The following CCDC18 variants were observed in gnomAD, a reference collection of about 807,000 sequenced individuals.
CCDC18 encodes coiled-coil domain containing 18, also known as coiled-coil domain-containing protein 18.
Under a neutral mutation model 196.0 loss-of-function variants are expected in CCDC18, and 157 were observed. The observed-to-expected ratio is 0.80, with a 90% confidence interval of 0.70 to 0.91. CCDC18 has a LOEUF of 0.91. Ranked by LOEUF, CCDC18 falls within the 40% of genes least tolerant of loss-of-function variation. The probability of loss-of-function intolerance (pLI) is 0.00; values close to 1 mark genes in which losing one functional copy is unlikely to be tolerated. For synonymous variants in CCDC18, 482 were observed against 529.2 expected, an observed-to-expected ratio of 0.91 and a Z score of 1.22; for missense variants, 1,465 against 1,611.6, an observed-to-expected ratio of 0.91 and a Z score of 1.56.
chr1:93,190,743 G>A, intron 4 of CCDC18: 3 of 548,798 alleles, frequency 5.5e-6, no homozygotes, highest in South Asian at 4.0e-5. Context: ...ATAACACTTA[G>A]AACTGGGTCA....
At chr1:93,213,074 C>T (rs573437586) in intron 11 of CCDC18, among the ~76,000 whole-genome samples, 4 of 152,100 alleles carry the variant, frequency 2.6e-5, no homozygotes, top group East Asian at 1.9e-4. Flanking sequence ...CTAATGCTGC[C>T]GCTAATCTGA....
intron 26 of CCDC18, among the ~76,000 whole-genome samples, chr1:93,264,402 T>C (rs1431080991): frequency 6.6e-6 from 1 of 152,186 alleles, no homozygotes; most frequent in African/African-American, 2.4e-5. Context: ...TACCCAATCA[T>C]TGTTCACATT....
chr1:93,205,593 A>C lies in CCDC18; in HGVS notation c.879A>C (p.Leu293=), dbSNP rs367563034. ...AAAGGCTACAAGAAAGGTGTGGTCT[A>C]TATAAAAGTGAACTTGAAATTCTGA... ...ENKRLQERCG[L]YKSELEILKE... is the part of the protein sequence containing the mutation. The change falls in exon 8 of 29, where the codon CTA becomes CTC. Residue 293 remains leucine (L), a synonymous_variant. Transcript: ENST00000690025. The C allele has an allele frequency of 1.9e-5, 31 of 1,596,548 alleles. No homozygotes were observed. The highest frequency in any genetic ancestry group is 2.5e-5 in the Non-Finnish European group (29 of 1,171,112).
intron 17 of CCDC18, among the ~76,000 whole-genome samples, chr1:93,227,147 A>G (rs1320350841): frequency 1.3e-5 from 2 of 149,062 alleles, no homozygotes; most frequent in African/African-American, 4.9e-5. Context: ...TTTTTAAGAT[A>G]AGTTTCTCAG....
chr1:93,180,957 G>A, intron 1 of CCDC18, 105 bp downstream of exon 1: 1 of 1,091,060 alleles, frequency 9.2e-7, no homozygotes, highest in Non-Finnish European at 1.3e-6. Flanking sequence ...CCGGCACCTT[G>A]GATGCGCTGG....
At chr1:93,215,008 C>T (rs1182761296) in intron 12 of CCDC18, 42 bp downstream of exon 12, 3 of 1,282,970 alleles carry the variant, frequency 2.3e-6, no homozygotes, top group Non-Finnish European at 3.2e-6. Context: ...AATTTTTGAA[C>T]TAGAACAAAA....
rs984967694 is a variant in CCDC18 at position 93,270,730 on chromosome 1, G to C, written c.4269G>C (p.Thr1423=). Residue 1423 remains threonine (T), a synonymous_variant, in exon 28 of 29, where the codon ACG becomes ACC. Coordinates refer to ENST00000690025, the MANE Select transcript of CCDC18 (RefSeq NM_001378204.1). ...GTTCTGAGAATAATGACTTTAACAC[G>C]CTTAGTGGGATGCTAAGATACATAA... ...ADSSENNDFN[T]LSGMLRYINK... The C allele has an allele frequency of 3.2e-6, 5 of 1,549,892 alleles. No individual in the cohort carries two copies. Among genetic ancestry groups the C allele is most frequent in the Non-Finnish European group, 4.4e-6 (5 of 1,146,736 alleles).
intron 4 of CCDC18, among the ~76,000 whole-genome samples, chr1:93,191,252 T>C (rs1262545312): frequency 6.6e-6 from 1 of 152,226 alleles, no homozygotes; most frequent in Non-Finnish European, 1.5e-5. Flanking sequence ...TTACTCTTAG[T>C]GTCTCACAGT....
At position 93,239,335 on chromosome 1, in the gene CCDC18, T is replaced by C; in HGVS notation, c.2629T>C (p.Tyr877His). 1 of 1,612,440 alleles carries C rather than the reference T, an allele frequency of 6.2e-7. No homozygotes were observed. The highest frequency in any genetic ancestry group is 8.5e-7 in the Non-Finnish European group (1 of 1,179,092). The change falls in exon 20 of 29, where the codon TAC becomes CAC. Residue 877 changes from tyrosine to histidine, a missense_variant. Transcript: ENST00000690025. Reference sequence around the variant, plus strand: ...GCAAGTAAAGATTGAGATGGATCAGTACAAAGAAGAGCTGTCTAAAATGGA... The same window carrying C: ...GCAAGTAAAGATTGAGATGGATCAGCACAAAGAAGAGCTGTCTAAAATGGA... ...ARQVKIEMDQ[Y>H]KEELSKMEKE... is the part of the protein sequence containing the mutation.
chr1:93,229,384 T>G (rs991606317), intron 17 of CCDC18, among the ~76,000 whole-genome samples: 2 of 152,246 alleles, frequency 1.3e-5, no homozygotes, highest in Non-Finnish European at 2.9e-5. Flanking sequence ...AGAAAATTCT[T>G]TCTAATGTTG....
At chr1:93,215,179 G>C (rs581825) in intron 12 of CCDC18, among the ~76,000 whole-genome samples, 1 of 152,014 alleles carries the variant, frequency 6.6e-6, no homozygotes, top group African/African-American at 2.4e-5. Flanking sequence ...AGGAAAAACT[G>C]TAGTGGGTAA....
intron 27 of CCDC18, 186 bp downstream of exon 27, chr1:93,265,087 G>A: frequency 1.9e-6 from 1 of 519,704 alleles, no homozygotes. Context: ...TATTACCGTA[G>A]AAGATATAAT....
At chr1:93,190,494 GA>G (rs1401762867) in intron 4 of CCDC18, among the ~76,000 whole-genome samples, 1 of 151,972 alleles carries the variant, frequency 6.6e-6, no homozygotes, top group Admixed American at 6.6e-5. Flanking sequence ...TCAAAAAAAA[GA>G]AGATTTTTTC....
intron 16 of CCDC18, 96 bp from the exon 17 acceptor site, chr1:93,226,236 AT>A (rs879093924): frequency 3.3e-6 from 2 of 608,984 alleles, no homozygotes; most frequent in South Asian, 4.3e-5. Flanking sequence ...TATATTCACT[AT>A]TTGAAGCAGT....
chr1:93,180,532 T>A (rs1242839409), upstream of CCDC18: 1 of 1,513,822 alleles, frequency 6.6e-7, no homozygotes, highest in Admixed American at 1.9e-5. Context: ...CCGGTTCCCA[T>A]GGCTTCCCCC....
intron 17 of CCDC18, among the ~76,000 whole-genome samples, chr1:93,229,775 T>C (rs1017930308): frequency 5.3e-5 from 8 of 152,218 alleles, no homozygotes; most frequent in Admixed American, 2.0e-4. Context: ...TTTAATTTCA[T>C]ATTAAAATGT....
intron 23 of CCDC18, among the ~76,000 whole-genome samples, chr1:93,248,009 CTTTTTTTTT>C (rs71586785): frequency 2.9e-5 from 2 of 69,794 alleles, no homozygotes; most frequent in East Asian, 4.0e-4. Flanking sequence ...TATTTTCCTT[CTTTTTTTTT>C]TTTTTTTTTT....
chr1:93,239,587 T>G, intron 20 of CCDC18, 96 bp from the exon 21 acceptor site: 2 of 1,359,886 alleles, frequency 1.5e-6, no homozygotes, highest in Non-Finnish European at 2.0e-6. Flanking sequence ...GTATTTTGCC[T>G]CTCGTAGATG....
chr1:93,226,968 T>C (rs1658450865), intron 17 of CCDC18, among the ~76,000 whole-genome samples: 1 of 152,164 alleles, frequency 6.6e-6, no homozygotes. Flanking sequence ...CTTTTATTTT[T>C]AGGGAATCAG....
Sources: allele counts gnomAD v4.1 joint callset (sites outside exome capture counted in the v4.1 genomes callset), GRCh38; gene constraint gnomAD v4.1.1; transcripts MANE v1.5; gene names NCBI Gene and HGNC (gene_info 2026-07-23, HGNC 2026-07-21).